SNPH: variants seen among roughly 807,000 people sequenced by gnomAD.
The protein encoded by SNPH is syntaphilin.
Under a neutral mutation model 36.8 loss-of-function variants are expected in SNPH, and 10 were observed. The ratio of observed to expected loss-of-function variants is 0.27; its 90% CI spans 0.17 to 0.46. SNPH has a LOEUF of 0.46. Ranked by LOEUF, SNPH falls within the 20% of genes least tolerant of loss-of-function variation. The pLI is 1.00. For synonymous variants in SNPH, 281 were observed against 312.2 expected (o/e 0.90, Z 1.05); for missense variants, 622 against 744.0 (o/e 0.84, Z 1.91).
In SNPH at chr20:1,299,636, C is replaced by T. The variant is rs76931044; in HGVS notation, c.291-926C>T. ...TGTGCTGGGAGCAGTGCACTTCCAG[C>T]CTGCTGCCACCCCAGAGTACTGCAG... On this transcript the variant is annotated intron_variant, in intron 5 of 6. Transcript: ENST00000381867. 3.9e-3 allele frequency among the ~76,000 whole-genome samples: 590 copies of T among 152,338 alleles called. 2 individuals carry two copies. Among genetic ancestry groups the T allele is most frequent in the Non-Finnish European group, 6.5e-3 (439 of 68,028 alleles).
chr20:1,282,940 T>G (rs1447665571), intron 2 of SNPH, among the ~76,000 whole-genome samples: 1 of 152,096 alleles, frequency 6.6e-6, no homozygotes, highest in Non-Finnish European at 1.5e-5. Context: ...CTAGGATGCC[T>G]GCTCTCGGGA....
At chr20:1,277,919 C>CTG (rs538614375) in intron 2 of SNPH, among the ~76,000 whole-genome samples, 13,912 of 126,292 alleles carry the variant, frequency 0.11, 769 homozygotes, top group African/African-American at 0.17. Context: ...GTGTGTGTGC[C>CTG]TGTGTGTGTC....
rs2088006153 is a variant in SNPH, at chr20:1,266,543, A to G, written c.-599-111A>G. On this transcript the variant is annotated intron_variant, in intron 1 of 6. Transcript: ENST00000381867. The surrounding 1 kb of genome is among the most constrained non-coding windows in gnomAD (Gnocchi z 6.0). Reference sequence around the variant, plus strand: ...GCACCCGGCAGGCAGCCTGCCCTCCAAGCCTTCTGGCTGCAGCGGCCCAGC... The same window carrying G: ...GCACCCGGCAGGCAGCCTGCCCTCCGAGCCTTCTGGCTGCAGCGGCCCAGC... The G allele has an allele frequency of 2.2e-6, 3 of 1,361,626 alleles. No homozygotes were observed. Among genetic ancestry groups the G allele is most frequent in the East Asian group, 6.2e-5 (2 of 32,200 alleles). 84.3% of individuals were successfully genotyped at this position (1,361,626 alleles called of 1,614,324 possible).
chr20:1,268,353 C>T (rs2088032718), intron 2 of SNPH, among the ~76,000 whole-genome samples: 1 of 152,196 alleles, frequency 6.6e-6, no homozygotes, highest in African/African-American at 2.4e-5. Flanking sequence ...ACATGAATCC[C>T]ACTGTGGCTC....
rs895257698 is a variant in SNPH at position 1,299,030 on chromosome 20, G to C, written c.291-1532G>C. Reference sequence around the variant, plus strand: ...CCCACTCCTACCACCCCTTGCCAAGGGGTGACTCCTCCGCCCCTTGCCAAG... The same window carrying C: ...CCCACTCCTACCACCCCTTGCCAAGCGGTGACTCCTCCGCCCCTTGCCAAG... On this transcript the variant is annotated intron_variant, in intron 5 of 6. Coordinates refer to ENST00000381867, the MANE Select transcript of SNPH (RefSeq NM_001318234.2). 5.3e-5 allele frequency among the ~76,000 whole-genome samples: 8 copies of C among 151,784 alleles called. No individual in the cohort carries two copies. The East Asian group carries it at 1.6e-3, about 29-fold the overall frequency.
chr20:1,305,173 G>A lies in SNPH; in HGVS notation c.736G>A (p.Gly246Ser), dbSNP rs753064810. The A allele has an allele frequency of 2.2e-5, 35 of 1,612,584 alleles. No individual in the cohort carries two copies. The highest frequency in any genetic ancestry group is 4.4e-5 in the South Asian group (4 of 91,028). ...GGAGGATGGCACTGGGGAGTCAGCCGGTGGGTCCCCTGCCCGCTCCCTCAC... is the reference window on the plus strand; with the variant it reads ...GGAGGATGGCACTGGGGAGTCAGCCAGTGGGTCCCCTGCCCGCTCCCTCAC... ...AKEDGTGESAGGSPARSLTRS... is the reference protein window; with the variant it reads ...AKEDGTGESASGSPARSLTRS... Residue 246 changes from glycine (G) to serine (S), a missense_variant, in exon 7 of 7, where the codon GGT becomes AGT. Physicochemically the swap from Gly to Ser is moderately conservative, Grantham distance 56. Coordinates refer to ENST00000381867, the MANE Select transcript of SNPH (RefSeq NM_001318234.2).
At chr20:1,283,938 A>T (rs184874158) in intron 2 of SNPH, among the ~76,000 whole-genome samples, 1 of 152,274 alleles carries the variant, frequency 6.6e-6, no homozygotes, top group East Asian at 1.9e-4. Flanking sequence ...TAGAAATCCT[A>T]TCCCAGCTGT....
At chr20:1,303,708 C>T (rs2088532060) in intron 6 of SNPH, among the ~76,000 whole-genome samples, 1 of 152,154 alleles carries the variant, frequency 6.6e-6, no homozygotes, top group African/African-American at 2.4e-5. Context: ...GATTCCTGGG[C>T]CCATTTCCTG....
At chr20:1,295,373 C>T (rs1017882373) in intron 3 of SNPH, among the ~76,000 whole-genome samples, 5 of 152,202 alleles carry the variant, frequency 3.3e-5, no homozygotes, top group Non-Finnish European at 5.9e-5. Context: ...GAACCAGGGG[C>T]TTGAGTCTAC....
rs1365071634 is a variant in SNPH, at chr20:1,304,171, C to A, written c.441-707C>A. On this transcript the variant is annotated intron_variant, in intron 6 of 6. Coordinates refer to ENST00000381867, the MANE Select transcript of SNPH (RefSeq NM_001318234.2). The surrounding 1 kb of genome is among the most constrained non-coding windows in gnomAD (Gnocchi z 4.3). ...ATGCCTTTCTCGTTGATCTTTTCAGCTTTTCCTCTTTAAGATACAAGATAC... is the reference window on the plus strand; with the variant it reads ...ATGCCTTTCTCGTTGATCTTTTCAGATTTTCCTCTTTAAGATACAAGATAC... Among the ~76,000 whole-genome samples, 1 of 152,096 alleles carries A rather than the reference C, an allele frequency of 6.6e-6. No homozygotes were observed. The highest frequency in any genetic ancestry group is 2.4e-5 in the African/African-American group (1 of 41,384).
intron 5 of SNPH, among the ~76,000 whole-genome samples, chr20:1,300,347 C>G (rs2088489946): frequency 6.6e-6 from 1 of 152,180 alleles, no homozygotes; most frequent in African/African-American, 2.4e-5. Flanking sequence ...GCCCTGAAGC[C>G]CGCTTCCTGA....
At chr20:1,280,191 A>C (rs951975742) in intron 2 of SNPH, among the ~76,000 whole-genome samples, 1 of 152,196 alleles carries the variant, frequency 6.6e-6, no homozygotes, top group Non-Finnish European at 1.5e-5. Context: ...TTCTCAGCTC[A>C]TCAGCATCAC....
chr20:1,305,915 G>A lies in SNPH; in HGVS notation c.1478G>A (p.Arg493His), dbSNP rs539239767. The change falls in exon 7 of 7, where the codon CGC becomes CAC. Residue 493 changes from arginine (R) to histidine (H), a missense_variant. Transcript: ENST00000381867. Reference sequence around the variant, plus strand: ...GCCTGGCTTTGCCGCTCCCAGCGGCGCCAGGGCCAGCCCATCTACAACATC... The same window carrying A: ...GCCTGGCTTTGCCGCTCCCAGCGGCACCAGGGCCAGCCCATCTACAACATC... ...TVAWLCRSQR[R>H]QGQPIYNISS... 76 of 1,593,766 alleles carry A rather than the reference G, an allele frequency of 4.8e-5. No individual in the cohort carries two copies. Among genetic ancestry groups the A allele is most frequent in the Non-Finnish European group, 5.9e-5 (69 of 1,170,574 alleles).
intron 6 of SNPH, among the ~76,000 whole-genome samples, chr20:1,303,172 C>T (rs559074754): frequency 6.6e-6 from 1 of 152,366 alleles, no homozygotes; most frequent in African/African-American, 2.4e-5. Context: ...CTGCAGTGGC[C>T]CACCTTCTGT....
rs1868985549 is a variant in SNPH, at chr20:1,304,186, A to G, written c.441-692A>G. On this transcript the variant is annotated intron_variant, in intron 6 of 6. Transcript: ENST00000381867. The surrounding 1 kb of genome is among the most constrained non-coding windows in gnomAD (Gnocchi z 4.3). ...ATCTTTTCAGCTTTTCCTCTTTAAGATACAAGATACAAGGAGATACAAAGA... is the reference window on the plus strand; with the variant it reads ...ATCTTTTCAGCTTTTCCTCTTTAAGGTACAAGATACAAGGAGATACAAAGA... Among the ~76,000 whole-genome samples the G allele has an allele frequency of 6.6e-6, 1 of 152,108 alleles. No homozygotes were observed. The highest frequency in any genetic ancestry group is 1.5e-5 in the Non-Finnish European group (1 of 68,016).
intron 2 of SNPH, among the ~76,000 whole-genome samples, chr20:1,277,808 T>C (rs1287441331): frequency 3.6e-5 from 5 of 137,926 alleles, no homozygotes; most frequent in African/African-American, 5.2e-5. Context: ...CCTGTGTGTG[T>C]CTGTGCCTGT....
At position 1,296,187 on chromosome 20, in the gene SNPH, T is replaced by C. The variant is rs2122394611; in HGVS notation, c.-53T>C. 1 of 1,418,384 alleles carries C rather than the reference T, an allele frequency of 7.1e-7. No homozygotes were observed. Among genetic ancestry groups the C allele is most frequent in the Admixed American group, 3.0e-5 (1 of 33,378 alleles). 87.9% of individuals were successfully genotyped at this position (1,418,384 alleles called of 1,614,324 possible). ...AATTCACTGGTGGAGGCAGCCGTGG[T>C]CTGCCAGGCCCTCGCTCCTGGGGTG... On this transcript the variant is annotated 5_prime_UTR_variant, in exon 4 of 7. Transcript: ENST00000381867.
At chr20:1,302,900 A>G (rs1283330983) in intron 6 of SNPH, among the ~76,000 whole-genome samples, 2 of 152,212 alleles carry the variant, frequency 1.3e-5, no homozygotes, top group Non-Finnish European at 2.9e-5. Flanking sequence ...GATGCCCAGG[A>G]TCTGCGTGGC....
At chr20:1,271,305 C>CT (rs2088070647) in intron 2 of SNPH, among the ~76,000 whole-genome samples, 1 of 152,176 alleles carries the variant, frequency 6.6e-6, no homozygotes, top group Admixed American at 6.5e-5. Flanking sequence ...CCTTCTAGCT[C>CT]TGAGTGGCTA....
Sources: gnomAD v4.1 joint callset for allele counts (sites outside exome capture counted in the v4.1 genomes callset) on GRCh38, gnomAD v4.1.1 for gene constraint, Gnocchi (gnomAD v3.1) non-coding constraint, MANE v1.5 for transcripts, NCBI Gene and HGNC (gene_info 2026-07-23, HGNC 2026-07-21) for gene names.